Variants in PELI2 observed in about 807,000 individuals in gnomAD.
The protein encoded by PELI2 is pellino E3 ubiquitin protein ligase family member 2.
In PELI2, 23 loss-of-function variants were observed where a neutral mutation model predicts 42.3. That is an observed-to-expected ratio of 0.54 (90% CI 0.39 to 0.77). The LOEUF (loss-of-function observed/expected upper bound fraction) is 0.77. Ranked by LOEUF, PELI2 falls within the 30% of genes least tolerant of loss-of-function variation. PELI2 has a pLI of 0.00. For missense variants in PELI2, 463 were observed against 553.2 expected, an observed-to-expected ratio of 0.84 and a Z score of 1.64; for synonymous variants, 245 against 212.2, an observed-to-expected ratio of 1.15 and a Z score of -1.34.
rs1890048210 is a variant in PELI2, at chr14:56,297,464, T to G, written c.*298T>G. Reference sequence around the variant, plus strand: ...TTTAACCTTGGGTTTTTAACCAAGTTTTTTTTTTTTTGTAATCTTGGACAA... The same window carrying G: ...TTTAACCTTGGGTTTTTAACCAAGTGTTTTTTTTTTTGTAATCTTGGACAA... On this transcript the variant is annotated 3_prime_UTR_variant, in exon 6 of 6. Coordinates refer to ENST00000267460, the MANE Select transcript of PELI2 (RefSeq NM_021255.3). 7.2e-6 allele frequency: 2 copies of G among 276,288 alleles called. No individual in the cohort carries two copies. Among genetic ancestry groups the G allele is most frequent in the African/African-American group, 2.3e-5 (1 of 44,252 alleles). The allele number at this position is 276,288 out of a possible 1,614,324, so 17.1% of individuals were successfully genotyped here. A position where few individuals can be genotyped will look rare whatever the true frequency, so the allele number is the denominator to read the frequency against.
intron 1 of PELI2, among the ~76,000 whole-genome samples, chr14:56,165,959 C>T (rs527305200): frequency 6.6e-6 from 1 of 152,202 alleles, no homozygotes; most frequent in East Asian, 1.9e-4. Flanking sequence ...ATCAATGGGT[C>T]TTTACATTAA....
intron 1 of PELI2, among the ~76,000 whole-genome samples, chr14:56,155,579 T>C (rs1431246765): frequency 7.4e-6 from 1 of 136,016 alleles, no homozygotes; most frequent in African/African-American, 3.0e-5. Context: ...TCTCAAGTAA[T>C]ACATTTTTTT....
At chr14:56,201,293 T>C (rs970492898) in intron 2 of PELI2, among the ~76,000 whole-genome samples, 12 of 152,182 alleles carry the variant, frequency 7.9e-5, no homozygotes, top group South Asian at 4.1e-4. Flanking sequence ...GCAAAAGATA[T>C]AGATAAAGAT....
chr14:56,213,437 G>C (rs933893541), intron 2 of PELI2, among the ~76,000 whole-genome samples: 1 of 152,188 alleles, frequency 6.6e-6, no homozygotes, highest in East Asian at 1.9e-4. Flanking sequence ...GTTAGCAGGC[G>C]AGAGGAGTGA....
At position 56,288,368 on chromosome 14, in the gene PELI2, T is replaced by C. The variant is rs941919813; in HGVS notation, c.310-69T>C. 8.3e-7 allele frequency: 1 copy of C among 1,208,180 alleles called. No individual in the cohort carries two copies. Among genetic ancestry groups the C allele is most frequent in the Admixed American group, 1.9e-5 (1 of 52,170 alleles). 74.8% of individuals were successfully genotyped at this position (1,208,180 alleles called of 1,614,324 possible). On this transcript the variant is annotated intron_variant, in intron 3 of 5. Transcript: ENST00000267460. This position sits in a 1 kb window ranked among gnomAD's most constrained non-coding sequence, Gnocchi z 4.6. ...ATGTTAAAGGAATCCTGAATGCTTTTTCCTTGTGAATAAAATACGGCACCC... is the reference window on the plus strand; with the variant it reads ...ATGTTAAAGGAATCCTGAATGCTTTCTCCTTGTGAATAAAATACGGCACCC...
In PELI2 at chr14:56,283,246, C is replaced by T. The variant is rs185625727; in HGVS notation, c.309+3469C>T. The stretch of plus-strand genomic sequence containing the variant: ...ATTTAGTTGGACTTTTTCAGCTTCC[C>T]GTTACTAACTTCTGAGTACTTTATG... On this transcript the variant is annotated intron_variant, in intron 3 of 5. Transcript: ENST00000267460. Among the ~76,000 whole-genome samples the T allele has an allele frequency of 1.4e-4, 22 of 152,274 alleles. 1 individual carries two copies. The highest frequency in any genetic ancestry group is 3.4e-3 in the Middle Eastern group (1 of 294).
At chr14:56,295,566 T>A (rs1360782481) in intron 5 of PELI2, among the ~76,000 whole-genome samples, 8 of 152,254 alleles carry the variant, frequency 5.3e-5, no homozygotes, top group Non-Finnish European at 1.2e-4. Flanking sequence ...TCTGTCATCA[T>A]CAGAGTAATA....
chr14:56,268,931 T>C (rs1323302276), intron 2 of PELI2, among the ~76,000 whole-genome samples: 1 of 152,086 alleles, frequency 6.6e-6, no homozygotes, highest in Non-Finnish European at 1.5e-5. Context: ...GCCATCAGAG[T>C]CTGCATTAAA....
chr14:56,181,147 C>G (rs759459976), intron 2 of PELI2, among the ~76,000 whole-genome samples: 3 of 152,032 alleles, frequency 2.0e-5, no homozygotes, highest in African/African-American at 7.2e-5. Context: ...CCAGTTCATT[C>G]TATTTTTGGA....
intron 2 of PELI2, among the ~76,000 whole-genome samples, chr14:56,198,902 G>A (rs995593621): frequency 1.1e-4 from 17 of 152,096 alleles, no homozygotes; most frequent in African/African-American, 3.6e-4. Flanking sequence ...TTTTGACAAA[G>A]TGAATAATGT....
chr14:56,258,258 A>G (rs902126475), intron 2 of PELI2, among the ~76,000 whole-genome samples: 2 of 152,198 alleles, frequency 1.3e-5, no homozygotes, highest in African/African-American at 4.8e-5. Flanking sequence ...CTACCAGAAC[A>G]AGTCCAACAC....
chr14:56,222,869 G>A (rs542998149), intron 2 of PELI2, among the ~76,000 whole-genome samples: 2 of 152,338 alleles, frequency 1.3e-5, no homozygotes, highest in South Asian at 2.1e-4. Context: ...TGAAGTGTGT[G>A]TTTGCATGTT....
intron 2 of PELI2, among the ~76,000 whole-genome samples, chr14:56,235,573 G>A (rs8181972): frequency 6.6e-6 from 1 of 152,130 alleles, no homozygotes; most frequent in African/African-American, 2.4e-5. Flanking sequence ...GTGCTGCTGT[G>A]GTCACCTGTA....
chr14:56,170,562 C>T (rs1333143481), intron 1 of PELI2, among the ~76,000 whole-genome samples: 1 of 152,130 alleles, frequency 6.6e-6, no homozygotes, highest in Non-Finnish European at 1.5e-5. Flanking sequence ...CCTGACATTT[C>T]CTAACTGTGT....
At chr14:56,224,302 C>G (rs55861828) in intron 2 of PELI2, among the ~76,000 whole-genome samples, 126 of 152,292 alleles carry the variant, frequency 8.3e-4, no homozygotes, top group Non-Finnish European at 1.5e-3. Context: ...CAGGGAAAAG[C>G]AGATTCTGGC....
chr14:56,188,898 G>A (rs1885863502), intron 2 of PELI2, among the ~76,000 whole-genome samples: 1 of 152,158 alleles, frequency 6.6e-6, no homozygotes, highest in Non-Finnish European at 1.5e-5. Flanking sequence ...AGTGGCTCAT[G>A]TCTGTAATCC....
intron 2 of PELI2, among the ~76,000 whole-genome samples, chr14:56,230,129 G>T (rs1236189221): frequency 6.6e-6 from 1 of 152,240 alleles, no homozygotes; most frequent in African/African-American, 2.4e-5. Flanking sequence ...TCTGATTGGT[G>T]TACGTGAAAG....
chr14:56,126,274 A>C (rs1214782343), intron 1 of PELI2, among the ~76,000 whole-genome samples: 1 of 152,142 alleles, frequency 6.6e-6, no homozygotes, highest in African/African-American at 2.4e-5. Flanking sequence ...GGCTGGAAAT[A>C]CTGTGGCATA....
chr14:56,277,888 G>A lies in PELI2; in HGVS notation c.208-1788G>A, dbSNP rs1215047907. ...AGGTTCAGGTAACCCTTCCAATTCA[G>A]GCAAATGGAGTGGAAGTTTGAGAAA... On this transcript the variant is annotated intron_variant, in intron 2 of 5. Transcript: ENST00000267460. Among the ~76,000 whole-genome samples, 3 of 152,196 alleles carry A rather than the reference G, an allele frequency of 2.0e-5. No homozygotes were observed. In the East Asian group the frequency reaches 5.8e-4, roughly 29 times the overall value.
Sources: allele counts gnomAD v4.1 joint callset (sites outside exome capture counted in the v4.1 genomes callset), GRCh38; gene constraint gnomAD v4.1.1; non-coding constraint Gnocchi (gnomAD v3.1); transcripts MANE v1.5; gene names NCBI Gene and HGNC (gene_info 2026-07-23, HGNC 2026-07-21).